Variants in RPS6KA5 observed in about 807,000 individuals in gnomAD.
The protein encoded by RPS6KA5 is ribosomal protein S6 kinase alpha-5.
A neutral mutation model predicts 85.5 loss-of-function variants in RPS6KA5; 27 were observed. The observed-to-expected ratio is 0.32, with a 90% confidence interval of 0.23 to 0.44. The LOEUF (loss-of-function observed/expected upper bound fraction) is 0.44, where lower values mean the gene tolerates loss of function less well. Among genes scored for constraint, RPS6KA5 ranks in the 20% least tolerant of loss-of-function variants. The probability of loss-of-function intolerance (pLI) is 1.00; values close to 1 mark genes in which losing one functional copy is unlikely to be tolerated. For synonymous variants in RPS6KA5, 334 were observed against 348.2 expected, an observed-to-expected ratio of 0.96 and a Z score of 0.46; for missense variants, 811 against 980.9, an observed-to-expected ratio of 0.83 and a Z score of 2.31.
intron 1 of RPS6KA5, among the ~76,000 whole-genome samples, chr14:91,044,468 C>G (rs924015304): frequency 1.3e-5 from 2 of 151,794 alleles, no homozygotes; most frequent in African/African-American, 4.8e-5. Flanking sequence ...GTAGGCCTAA[C>G]CTAATTACAT....
intron 1 of RPS6KA5, among the ~76,000 whole-genome samples, chr14:91,020,273 A>G (rs1477967232): frequency 1.3e-5 from 2 of 151,232 alleles, no homozygotes; most frequent in South Asian, 2.1e-4. Flanking sequence ...AATTCAACCA[A>G]TTATAGATTT....
Position 90,852,556 on chromosome 14 carries a change from G to C in RPS6KA5, c.*19518C>G, listed in dbSNP as rs773506487. 2 of 152,116 alleles carry C rather than the reference G, an allele frequency of 1.3e-5. No homozygotes were observed. Among genetic ancestry groups the C allele is most frequent in the Non-Finnish European group, 2.9e-5 (2 of 68,022 alleles). 9.4% of individuals were successfully genotyped at this position (152,116 alleles called of 1,614,324 possible). On this transcript the variant is annotated 3_prime_UTR_variant, in exon 17 of 17. Coordinates refer to ENST00000614987, the MANE Select transcript of RPS6KA5 (RefSeq NM_004755.4). ...AAAGGTTAAGGGAAAAACAGCATCT[G>C]ATATGTGCACCCTATTGTAAAGAAT... is the stretch of plus-strand genomic sequence containing the variant.
intron 1 of RPS6KA5, among the ~76,000 whole-genome samples, chr14:91,050,709 G>A (rs911504054): frequency 6.6e-6 from 1 of 152,104 alleles, no homozygotes; most frequent in Non-Finnish European, 1.5e-5. Flanking sequence ...GATTACAGGC[G>A]TGAGCCACCG....
At chr14:90,919,612 G>T (rs1263485779) in intron 7 of RPS6KA5, among the ~76,000 whole-genome samples, 1 of 151,896 alleles carries the variant, frequency 6.6e-6, no homozygotes, top group African/African-American at 2.4e-5. Context: ...CAAGTACTGA[G>T]AATCAAAGCC....
At chr14:90,912,030 A>C (rs745391543) in intron 7 of RPS6KA5, among the ~76,000 whole-genome samples, 1 of 151,896 alleles carries the variant, frequency 6.6e-6, no homozygotes, top group Non-Finnish European at 1.5e-5. Context: ...CCCAGTCCGC[A>C]TCTCCATCAT....
intron 1 of RPS6KA5, among the ~76,000 whole-genome samples, chr14:91,033,121 A>C (rs2042256300): frequency 6.6e-6 from 1 of 150,912 alleles, no homozygotes; most frequent in Non-Finnish European, 1.5e-5. Context: ...TGGGAGGTGG[A>C]GCTTGCAGTG....
intron 14 of RPS6KA5, among the ~76,000 whole-genome samples, chr14:90,884,438 T>C (rs887480672): frequency 6.6e-6 from 1 of 152,228 alleles, no homozygotes; most frequent in African/African-American, 2.4e-5. Flanking sequence ...TCTGCAAATA[T>C]GCCGAAATCC....
In RPS6KA5 at chr14:90,897,292, GT is replaced by G. The variant is rs888830041; in HGVS notation, c.1473+2036del. On this transcript the variant is annotated intron_variant, in intron 12 of 16. Coordinates refer to ENST00000614987, the MANE Select transcript of RPS6KA5 (RefSeq NM_004755.4). ...TCTGCTCAAGAGGGAACCAGCTCTG[GT>G]GACAGCTTGACTTTAAGCCAATGGG... 2.4e-3 allele frequency among the ~76,000 whole-genome samples: 373 copies of G among 152,262 alleles called. 7 individuals are homozygous for G. Among genetic ancestry groups the G allele is most frequent in the East Asian group, 9.7e-4 (5 of 5,178 alleles).
rs76656949 is a variant in RPS6KA5 at position 91,001,503 on chromosome 14, G to T, written c.104-344C>A. 4.4e-3 allele frequency among the ~76,000 whole-genome samples: 670 copies of T among 152,278 alleles called. 2 individuals are homozygous for T. The highest frequency in any genetic ancestry group is 0.017 in the Middle Eastern group (5 of 294). The stretch of plus-strand genomic sequence containing the variant: ...TACATAGTGGGGAAAAAACTGGATG[G>T]ATTGAGAAGATGTATTTATGATTCG... On this transcript the variant is annotated intron_variant, in intron 1 of 16. Transcript: ENST00000614987.
At chr14:90,903,046 G>C in intron 8 of RPS6KA5, 77 bp from the exon 9 acceptor site, 1 of 1,261,074 alleles carries the variant, frequency 7.9e-7, no homozygotes, top group Non-Finnish European at 1.1e-6. Context: ...AGATAAATTA[G>C]GATTTTGACT....
chr14:90,957,553 T>G (rs1214949374), intron 3 of RPS6KA5, among the ~76,000 whole-genome samples: 1 of 152,210 alleles, frequency 6.6e-6, no homozygotes, highest in African/African-American at 2.4e-5. Flanking sequence ...TGCCTCTTGC[T>G]GGTATTACAC....
In RPS6KA5 at chr14:90,997,781, C is replaced by G. The variant is rs188680658; in HGVS notation, c.175+3307G>C. ...ATTCCAGCACTTTGGGAGGCCAAGG[C>G]GGGCAGATCGCCTGAGGTCAGGAGT... On this transcript the variant is annotated intron_variant, in intron 2 of 16. Transcript: ENST00000614987. Among the ~76,000 whole-genome samples, 364 of 152,078 alleles carry G rather than the reference C, an allele frequency of 2.4e-3. 1 individual carries two copies. Among genetic ancestry groups the G allele is most frequent in the African/African-American group, 8.5e-3 (354 of 41,488 alleles).
chr14:91,030,123 T>A (rs944972353), intron 1 of RPS6KA5, among the ~76,000 whole-genome samples: 3 of 152,122 alleles, frequency 2.0e-5, no homozygotes, highest in Non-Finnish European at 2.9e-5. Context: ...TAGAAGCACC[T>A]GTAATCACCA....
At chr14:90,957,578 C>G in intron 3 of RPS6KA5, among the ~76,000 whole-genome samples, 1 of 152,092 alleles carries the variant, frequency 6.6e-6, no homozygotes, top group East Asian at 1.9e-4. Flanking sequence ...CTGTTAGGAC[C>G]CACTAATTGC....
intron 1 of RPS6KA5, chr14:91,060,117 C>T (rs765119124): frequency 2.8e-5 from 28 of 985,182 alleles, no homozygotes; most frequent in Non-Finnish European, 3.4e-5. Flanking sequence ...GCCGCTCATT[C>T]CCGGGCTGGG....
chr14:90,981,943 A>G (rs1397623526), intron 2 of RPS6KA5, among the ~76,000 whole-genome samples: 3 of 152,264 alleles, frequency 2.0e-5, no homozygotes, highest in Non-Finnish European at 4.4e-5. Flanking sequence ...AATGGGAAGA[A>G]AACACATTCC....
At chr14:91,014,475 C>G (rs376659172) in intron 1 of RPS6KA5, among the ~76,000 whole-genome samples, 24 of 147,226 alleles carry the variant, frequency 1.6e-4, no homozygotes, top group African/African-American at 6.0e-4. Flanking sequence ...GCACTCCAGC[C>G]TGGGGAATTG....
chr14:90,948,253 T>C (rs150612841), intron 3 of RPS6KA5, among the ~76,000 whole-genome samples: 3 of 152,382 alleles, frequency 2.0e-5, no homozygotes, highest in Non-Finnish European at 2.9e-5. Flanking sequence ...ATGGCTCTAA[T>C]AAGATATTTC....
At chr14:90,924,187 T>C (rs2036546222) in intron 5 of RPS6KA5, among the ~76,000 whole-genome samples, 1 of 152,200 alleles carries the variant, frequency 6.6e-6, no homozygotes, top group East Asian at 1.9e-4. Context: ...AAGACAAACA[T>C]CTCTTAATTC....
Sources: gnomAD v4.1 joint callset for allele counts (sites outside exome capture counted in the v4.1 genomes callset) on GRCh38, gnomAD v4.1.1 for gene constraint, MANE v1.5 for transcripts, NCBI Gene and HGNC (gene_info 2026-07-23, HGNC 2026-07-21) for gene names.